The following CSE1L variants were observed in gnomAD, a reference collection of about 807,000 sequenced individuals.
CSE1L encodes exportin-2.
A neutral mutation model predicts 120.4 loss-of-function variants in CSE1L; 24 were observed. The observed-to-expected ratio is 0.20, with a 90% CI of 0.14 to 0.28. The LOEUF (loss-of-function observed/expected upper bound fraction) is 0.28, where lower values mean the gene tolerates loss of function less well. CSE1L is among the 10% of genes least tolerant of loss of function. The probability of loss-of-function intolerance (pLI) is 1.00; values close to 1 mark genes in which losing one functional copy is unlikely to be tolerated. For missense variants in CSE1L, 830 were observed against 1,145.2 expected (o/e 0.72, Z 3.97); for synonymous variants, 402 against 398.3 (o/e 1.01, Z -0.11).
intron 6 of CSE1L, among the ~76,000 whole-genome samples, chr20:49,068,416 G>A (rs927985727): frequency 7.2e-5 from 11 of 151,960 alleles, no homozygotes; most frequent in African/African-American, 1.7e-4. Context: ...GTGAAACCCC[G>A]TCTCTACTAA....
chr20:49,055,827 G>A (rs977906118), intron 1 of CSE1L, among the ~76,000 whole-genome samples: 2 of 151,834 alleles, frequency 1.3e-5, no homozygotes, highest in African/African-American at 2.4e-5. Flanking sequence ...ATCTATCACC[G>A]AGATGTTATC....
chr20:49,067,742 T>C (rs2091903925), intron 6 of CSE1L, among the ~76,000 whole-genome samples: 1 of 151,760 alleles, frequency 6.6e-6, no homozygotes, highest in African/African-American at 2.4e-5. Flanking sequence ...TTTTCTTTTT[T>C]CTTTTTTAAA....
intron 3 of CSE1L, among the ~76,000 whole-genome samples, chr20:49,065,321 T>A (rs1167903976): frequency 9.0e-6 from 1 of 111,462 alleles, no homozygotes; most frequent in African/African-American, 3.3e-5. Flanking sequence ...AAATTTTTTT[T>A]TTTTTTTTTT....
rs193073476 is a variant in CSE1L, at chr20:49,092,827, A to C, written c.2447+700A>C. ...AACTTAAAGTATAATTAAAAAAAAA[A>C]ACCAGAATTTTCCTTCCCCCTTTTT... On this transcript the variant is annotated intron_variant, in intron 22 of 24. Coordinates refer to ENST00000262982, the MANE Select transcript of CSE1L (RefSeq NM_001316.4). Among the ~76,000 whole-genome samples the C allele has an allele frequency of 2.4e-4, 37 of 152,226 alleles. No individual in the cohort carries two copies. In the East Asian group the frequency reaches 6.9e-3, roughly 29 times the overall value.
intron 1 of CSE1L, among the ~76,000 whole-genome samples, chr20:49,055,329 T>C (rs1265902377): frequency 2.0e-5 from 3 of 152,220 alleles, no homozygotes; most frequent in African/African-American, 7.2e-5. Context: ...TATATAGGCC[T>C]GTACTTGGCA....
At chr20:49,052,434 G>A (rs545733080) in intron 1 of CSE1L, among the ~76,000 whole-genome samples, 3 of 152,342 alleles carry the variant, frequency 2.0e-5, no homozygotes, top group African/African-American at 7.2e-5. Flanking sequence ...AGTGGGCTGA[G>A]TGCTGAATGG....
At chr20:49,088,159 T>C in intron 17 of CSE1L, 53 bp downstream of exon 17, 1 of 1,247,680 alleles carries the variant, frequency 8.0e-7, no homozygotes, top group Admixed American at 1.8e-5. Context: ...CTCCAAACTG[T>C]TTGGGCCTCA....
chr20:49,094,311 TG>T (rs761304030), intron 23 of CSE1L, 25 bp downstream of exon 23: 13 of 1,598,430 alleles, frequency 8.1e-6, no homozygotes, highest in Admixed American at 1.8e-5. Context: ...TTAATATTTT[TG>T]TAAGTTACAG....
At chr20:49,067,134 A>G in intron 5 of CSE1L, 56 bp from the exon 6 acceptor site, 1 of 1,134,818 alleles carries the variant, frequency 8.8e-7, no homozygotes. Flanking sequence ...TTGAAGACCT[A>G]AAGTGAGTAA....
chr20:49,049,100 T>G (rs1410596918), intron 1 of CSE1L, among the ~76,000 whole-genome samples: 3 of 152,232 alleles, frequency 2.0e-5, no homozygotes, highest in Non-Finnish European at 1.5e-5. Context: ...CATAACTGAT[T>G]TATTGTGATG....
intron 10 of CSE1L, among the ~76,000 whole-genome samples, chr20:49,074,301 G>A (rs923970788): frequency 6.6e-6 from 1 of 150,592 alleles, no homozygotes; most frequent in Non-Finnish European, 1.5e-5. Context: ...CAAACTCCTG[G>A]GCTCAAGCGA....
intron 8 of CSE1L, 50 bp from the exon 9 acceptor site, chr20:49,072,236 A>T: frequency 6.3e-7 from 1 of 1,581,522 alleles, no homozygotes; most frequent in Non-Finnish European, 8.6e-7. Context: ...CCTCTTACTT[A>T]TGTTAGCATT....
In CSE1L at chr20:49,084,182, GT is replaced by G; in HGVS notation, c.1619+26del. The G allele has an allele frequency of 6.2e-7, 1 of 1,612,936 alleles. No homozygotes were observed. Among genetic ancestry groups the G allele is most frequent in the Non-Finnish European group, 8.5e-7 (1 of 1,179,312 alleles). ...CACTCTGTGAGTATTTTATTCTAAA[GT>G]TTTTTAGCCTGGGGTAGGGGCTGTA... On this transcript the variant is annotated intron_variant, in intron 15 of 24. Coordinates refer to ENST00000262982, the MANE Select transcript of CSE1L (RefSeq NM_001316.4).
At chr20:49,052,481 G>A (rs1017070721) in intron 1 of CSE1L, among the ~76,000 whole-genome samples, 5 of 152,164 alleles carry the variant, frequency 3.3e-5, no homozygotes, top group Admixed American at 1.3e-4. Flanking sequence ...CATTATTATG[G>A]TCAGGGAGAA....
chr20:49,060,836 G>GT lies in CSE1L; in HGVS notation c.85+2289dup. On this transcript the variant is annotated intron_variant, in intron 2 of 24. Coordinates refer to ENST00000262982, the MANE Select transcript of CSE1L (RefSeq NM_001316.4). ...ACTACTTCTGGGCCAGATATATCTT[G>GT]TGAGCAGTCAGTTATTGATCCTTGA... Among the ~76,000 whole-genome samples, 3 of 152,052 alleles carry GT rather than the reference G, an allele frequency of 2.0e-5. No homozygotes were observed. The Middle Eastern group carries it at 0.01, about 517-fold the overall frequency.
At chr20:49,070,165 T>C in intron 7 of CSE1L, 40 bp from the exon 8 acceptor site, 1 of 949,804 alleles carries the variant, frequency 1.1e-6, no homozygotes, top group Non-Finnish European at 1.6e-6. Context: ...GTGTTCTTAA[T>C]ATTTTAATCA....
intron 1 of CSE1L, among the ~76,000 whole-genome samples, chr20:49,052,507 T>G (rs899371868): frequency 1.3e-5 from 2 of 152,164 alleles, no homozygotes; most frequent in Admixed American, 6.5e-5. Context: ...GTGGCCAGTT[T>G]GTAGAACAGA....
chr20:49,080,376 G>C (rs1277025140), intron 14 of CSE1L, among the ~76,000 whole-genome samples: 1 of 151,764 alleles, frequency 6.6e-6, no homozygotes, highest in Admixed American at 6.6e-5. Flanking sequence ...ACCATGCCTG[G>C]CCCTGGTTAT....
At chr20:49,090,906 T>C (rs762221606) in intron 20 of CSE1L, 31 bp from the exon 21 acceptor site, 6 of 1,596,278 alleles carry the variant, frequency 3.8e-6, no homozygotes, top group Non-Finnish European at 5.1e-6. Flanking sequence ...AAGTCCTAAA[T>C]TTATATTGTT....
Sources: gnomAD v4.1 joint callset for allele counts (sites outside exome capture counted in the v4.1 genomes callset) on GRCh38, gnomAD v4.1.1 for gene constraint, MANE v1.5 for transcripts, NCBI Gene and HGNC (gene_info 2026-07-23, HGNC 2026-07-21) for gene names.